Variants in PADI2 observed in about 807,000 individuals in gnomAD.
PADI2 encodes protein-arginine deiminase type-2.
PADI2 carries 70 observed loss-of-function variants against 81.1 expected under a neutral mutation model. The observed-to-expected ratio is 0.86, with a 90% CI of 0.71 to 1.05. The LOEUF is 1.05. PADI2 is among the 50% of genes least tolerant of loss of function. The pLI, the probability that PADI2 is intolerant of heterozygous loss-of-function variation, is 0.00. For synonymous variants in PADI2, 338 were observed against 358.0 expected, an observed-to-expected ratio of 0.94 and a Z score of 0.63; for missense variants, 853 against 889.9, an observed-to-expected ratio of 0.96 and a Z score of 0.53.
chr1:17,079,193 A>G, intron 11 of PADI2, 71 bp downstream of exon 11: 2 of 1,446,182 alleles, frequency 1.4e-6, no homozygotes, highest in Admixed American at 3.8e-5. Context: ...TGAGCAACCC[A>G]GGCCACCCCA....
At chr1:17,087,456 C>A (rs1196785536) in intron 6 of PADI2, among the ~76,000 whole-genome samples, 1 of 151,802 alleles carries the variant, frequency 6.6e-6, no homozygotes, top group Non-Finnish European at 1.5e-5. Flanking sequence ...CAGCCACCTG[C>A]CATCTCCATC....
At chr1:17,114,332 GGGAGGATCACAAACAA>G (rs979799572) in intron 1 of PADI2, among the ~76,000 whole-genome samples, 41 of 152,264 alleles carry the variant, frequency 2.7e-4, no homozygotes, top group African/African-American at 9.9e-4. Context: ...ATTGACTCCA[GGGAGGATCACAAACAA>G]GGAGGAGGCA....
intron 14 of PADI2, 134 bp from the exon 15 acceptor site, chr1:17,070,350 G>A (rs577020197): frequency 1.2e-5 from 12 of 987,962 alleles, no homozygotes; most frequent in Admixed American, 6.6e-5. Context: ...GTCAGCGGGC[G>A]CCTCTGCAGC....
chr1:17,106,689 C>T (rs1931385643), intron 1 of PADI2, among the ~76,000 whole-genome samples: 1 of 152,048 alleles, frequency 6.6e-6, no homozygotes, highest in South Asian at 2.1e-4. Context: ...GTGATCCACC[C>T]ACCTCAGCCT....
Position 17,115,235 on chromosome 1 carries a change from C to T in PADI2, c.92+4045G>A, listed in dbSNP as rs748066688. Among the ~76,000 whole-genome samples, 33 of 152,258 alleles carry T rather than the reference C, an allele frequency of 2.2e-4. No homozygotes were observed. The highest frequency in any genetic ancestry group is 7.5e-4 in the African/African-American group (31 of 41,470). On this transcript the variant is annotated intron_variant, in intron 1 of 15. Transcript: ENST00000375486. This position sits in a 1 kb window ranked among gnomAD's most constrained non-coding sequence, Gnocchi z 4.1. Reference sequence around the variant, plus strand: ...ACATTTATCTTCTTTCTGTCTTCTACTGGGACAATGGCTGGTCAGCCTCTG... The same window carrying T: ...ACATTTATCTTCTTTCTGTCTTCTATTGGGACAATGGCTGGTCAGCCTCTG...
chr1:17,099,953 T>C (rs1190526080), intron 3 of PADI2, among the ~76,000 whole-genome samples: 1 of 152,066 alleles, frequency 6.6e-6, no homozygotes. Context: ...CTCTTTCTGC[T>C]CAATGTGGAC....
In PADI2 at chr1:17,098,871, G is replaced by C. The variant is rs561838496; in HGVS notation, c.350-2901C>G. 3.3e-5 allele frequency among the ~76,000 whole-genome samples: 5 copies of C among 152,362 alleles called. No homozygotes were observed. The South Asian group carries it at 8.3e-4, about 25-fold the overall frequency. On this transcript the variant is annotated intron_variant, in intron 3 of 15. Coordinates refer to ENST00000375486, the MANE Select transcript of PADI2 (RefSeq NM_007365.3). The stretch of plus-strand genomic sequence containing the variant: ...GTGGGATGCTGCGGGTAGGGGCAGA[G>C]AACAGGGCTGGTGTGACCTGCCCAG...
chr1:17,073,289 C>T (rs578253956), intron 13 of PADI2, among the ~76,000 whole-genome samples: 3 of 151,904 alleles, frequency 2.0e-5, no homozygotes, highest in Non-Finnish European at 2.9e-5. Flanking sequence ...TGGTGGCGGG[C>T]GCCTGTAATC....
chr1:17,101,117 C>G (rs1343569417), intron 3 of PADI2, among the ~76,000 whole-genome samples: 1 of 151,962 alleles, frequency 6.6e-6, no homozygotes, highest in East Asian at 1.9e-4. Flanking sequence ...TAATTATTAA[C>G]AGACCTCGGA....
intron 4 of PADI2, among the ~76,000 whole-genome samples, chr1:17,095,517 C>T (rs2746516): frequency 0.065 from 9,870 of 152,182 alleles, 1,050 homozygotes; most frequent in African/African-American, 0.22. Flanking sequence ...GATAATACCA[C>T]GCCTGGAACT....
chr1:17,093,714 C>A (rs1219117659), intron 4 of PADI2, 30 bp from the exon 5 acceptor site: 1 of 1,324,780 alleles, frequency 7.5e-7, no homozygotes, highest in Middle Eastern at 1.8e-4. Context: ...GGTCAGTGCC[C>A]TCTTCTCTAT....
intron 3 of PADI2, among the ~76,000 whole-genome samples, chr1:17,099,287 G>A (rs1931056010): frequency 6.6e-6 from 1 of 152,170 alleles, no homozygotes; most frequent in Non-Finnish European, 1.5e-5. Flanking sequence ...TGGGGAGAAG[G>A]CATAGGATCA....
chr1:17,082,975 G>A (rs1225203220), intron 9 of PADI2: 10 of 211,928 alleles, frequency 4.7e-5, no homozygotes, highest in Admixed American at 2.2e-4. Flanking sequence ...GGCTCAAGCG[G>A]TCCTCCTGCC....
At chr1:17,073,366 G>T (rs1048293553) in intron 13 of PADI2, among the ~76,000 whole-genome samples, 2 of 145,786 alleles carry the variant, frequency 1.4e-5, no homozygotes, top group East Asian at 4.1e-4. Context: ...GCAGTGAGCC[G>T]AGATGGCACC....
chr1:17,113,402 T>C (rs896935525), intron 1 of PADI2, among the ~76,000 whole-genome samples: 2 of 152,178 alleles, frequency 1.3e-5, no homozygotes, highest in Non-Finnish European at 2.9e-5. Context: ...ATGAGGCCCA[T>C]ACCACTGTGA....
intron 6 of PADI2, among the ~76,000 whole-genome samples, chr1:17,087,645 C>T (rs929727824): frequency 3.3e-5 from 5 of 152,064 alleles, no homozygotes; most frequent in African/African-American, 7.2e-5. Flanking sequence ...GGATTACAGG[C>T]GCCCACCACC....
chr1:17,091,442 C>T (rs1017803253), intron 6 of PADI2, among the ~76,000 whole-genome samples: 2 of 151,978 alleles, frequency 1.3e-5, no homozygotes, highest in Non-Finnish European at 2.9e-5. Flanking sequence ...TAATGGCATT[C>T]CATTGCACTC....
At chr1:17,105,694 C>CT (rs1931349962) in intron 1 of PADI2, among the ~76,000 whole-genome samples, 1 of 151,988 alleles carries the variant, frequency 6.6e-6, no homozygotes, top group Non-Finnish European at 1.5e-5. Context: ...ACGCCCGGCT[C>CT]TTTTTTCAAA....
intron 1 of PADI2, among the ~76,000 whole-genome samples, chr1:17,112,699 C>A (rs1307538393): frequency 6.6e-6 from 1 of 152,170 alleles, no homozygotes; most frequent in East Asian, 1.9e-4. Flanking sequence ...TGGAGGCAAA[C>A]AATGACGTCT....
Sources: gnomAD v4.1 joint callset for allele counts (sites outside exome capture counted in the v4.1 genomes callset) on GRCh38, gnomAD v4.1.1 for gene constraint, Gnocchi (gnomAD v3.1) non-coding constraint, MANE v1.5 for transcripts, NCBI Gene and HGNC (gene_info 2026-07-23, HGNC 2026-07-21) for gene names.